Variants in CSRNP3 observed in about 807,000 individuals in gnomAD.
CSRNP3 encodes the protein cysteine/serine-rich nuclear protein 3.
CSRNP3 carries 12 observed loss-of-function variants against 48.0 expected under a neutral mutation model. The ratio of observed to expected loss-of-function variants is 0.25; its 90% confidence interval spans 0.16 to 0.41. The LOEUF (loss-of-function observed/expected upper bound fraction) is 0.41, where lower values mean the gene tolerates loss of function less well. Ranked by LOEUF, CSRNP3 falls within the 10% of genes least tolerant of loss-of-function variation. The pLI, the probability that CSRNP3 is intolerant of heterozygous loss-of-function variation, is 1.00. For synonymous variants in CSRNP3, 263 were observed against 269.7 expected, an observed-to-expected ratio of 0.98 and a Z score of 0.24; for missense variants, 580 against 724.4, an observed-to-expected ratio of 0.80 and a Z score of 2.29.
At chr2:165,537,000 A>G (rs551311684) in intron 3 of CSRNP3, among the ~76,000 whole-genome samples, 1 of 151,946 alleles carries the variant, frequency 6.6e-6, no homozygotes, top group East Asian at 1.9e-4. Context: ...TGAAACCAGG[A>G]TACATAAAAC....
chr2:165,623,589 C>A (rs947266576), intron 4 of CSRNP3, among the ~76,000 whole-genome samples: 1 of 152,148 alleles, frequency 6.6e-6, no homozygotes, highest in Non-Finnish European at 1.5e-5. Flanking sequence ...GGAACTTGAG[C>A]ATTCATGGAT....
intron 3 of CSRNP3, among the ~76,000 whole-genome samples, chr2:165,578,331 CAT>C (rs1331820100): frequency 3.3e-5 from 5 of 152,064 alleles, no homozygotes; most frequent in African/African-American, 7.2e-5. Flanking sequence ...CATTTAGCCA[CAT>C]GTGTTCATGC....
chr2:165,526,965 A>G (rs537730275), intron 3 of CSRNP3, among the ~76,000 whole-genome samples: 2 of 152,320 alleles, frequency 1.3e-5, no homozygotes, highest in South Asian at 4.1e-4. Context: ...AGCAATGTGT[A>G]CAAAGAGGTT....
intron 4 of CSRNP3, among the ~76,000 whole-genome samples, chr2:165,618,323 G>T (rs1404496346): frequency 6.6e-6 from 1 of 152,110 alleles, no homozygotes; most frequent in East Asian, 1.9e-4. Context: ...TACTTCAGAG[G>T]GTCCCTGTCA....
chr2:165,611,621 C>G (rs1686139846), intron 4 of CSRNP3, among the ~76,000 whole-genome samples: 1 of 152,044 alleles, frequency 6.6e-6, no homozygotes, highest in Admixed American at 6.6e-5. Flanking sequence ...TACTCTTACA[C>G]TTTACATAAA....
At chr2:165,569,892 G>GA (rs975038403) in intron 3 of CSRNP3, among the ~76,000 whole-genome samples, 18 of 147,844 alleles carry the variant, frequency 1.2e-4, no homozygotes, top group East Asian at 3.9e-4. Context: ...GCATGTATTA[G>GA]AAAAAAAAAA....
chr2:165,653,443 T>C (rs1288567222), intron 4 of CSRNP3, among the ~76,000 whole-genome samples: 1 of 152,192 alleles, frequency 6.6e-6, no homozygotes, highest in Non-Finnish European at 1.5e-5. Flanking sequence ...GGGGCCCAGC[T>C]GAAGGCCTTC....
intron 4 of CSRNP3, among the ~76,000 whole-genome samples, chr2:165,631,728 A>G (rs920183630): frequency 1.3e-5 from 2 of 152,218 alleles, no homozygotes; most frequent in African/African-American, 4.8e-5. Context: ...ATCAGAAGTT[A>G]GCAAACTACA....
intron 3 of CSRNP3, among the ~76,000 whole-genome samples, chr2:165,592,394 A>G (rs754088352): frequency 1.3e-5 from 2 of 152,152 alleles, no homozygotes; most frequent in South Asian, 2.1e-4. Flanking sequence ...CTTTTGGGTT[A>G]ATGCTGGAAT....
intron 4 of CSRNP3, among the ~76,000 whole-genome samples, chr2:165,645,145 T>C (rs1686789769): frequency 6.6e-6 from 1 of 151,988 alleles, no homozygotes; most frequent in Non-Finnish European, 1.5e-5. Flanking sequence ...AACAGCCTGG[T>C]CAACATGGTG....
In CSRNP3 at chr2:165,679,549, A is replaced by G. The variant is rs1573966059; in HGVS notation, c.1554A>G (p.Leu518=). The G allele has an allele frequency of 1.2e-6, 2 of 1,613,818 alleles. No individual in the cohort carries two copies. Among genetic ancestry groups the G allele is most frequent in the East Asian group, 4.5e-5 (2 of 44,802 alleles). ...ATAGCGGTGTGCCCTGCAATAGTTT[A>G]TATCCTGAACACAGGTCCAATCACC... ...ENDSGVPCNS[L]YPEHRSNHPQ... Residue 518 remains leucine (L), a synonymous_variant, in exon 7 of 7, where the codon TTA becomes TTG. Transcript: ENST00000651982.
intron 3 of CSRNP3, among the ~76,000 whole-genome samples, chr2:165,527,922 CAGAGAG>C (rs753575588): frequency 7.1e-6 from 1 of 140,542 alleles, no homozygotes; most frequent in South Asian, 2.3e-4. Context: ...GACAGGGAGA[CAGAGAG>C]AGAGAGAGAA....
intron 4 of CSRNP3, among the ~76,000 whole-genome samples, chr2:165,634,653 A>T (rs1206782377): frequency 6.6e-6 from 1 of 152,222 alleles, no homozygotes; most frequent in Admixed American, 6.5e-5. Context: ...AGGGATATGA[A>T]TAGCAACCTA....
intron 2 of CSRNP3, among the ~76,000 whole-genome samples, chr2:165,495,435 C>T (rs1684272334): frequency 6.6e-6 from 1 of 152,028 alleles, no homozygotes; most frequent in Non-Finnish European, 1.5e-5. Context: ...CAAGTTCATG[C>T]TCTTGAGTAA....
chr2:165,476,430 C>T lies in CSRNP3; in HGVS notation c.-283+6690C>T, dbSNP rs558766880. Among the ~76,000 whole-genome samples the T allele has an allele frequency of 3.9e-5, 6 of 152,114 alleles. No individual in the cohort carries two copies. In the South Asian group the frequency reaches 6.2e-4, roughly 16 times the overall value. On this transcript the variant is annotated intron_variant, in intron 1 of 6. Transcript: ENST00000651982. The stretch of plus-strand genomic sequence containing the variant: ...TAGGTAAAAATAACCAAAAGAATAA[C>T]GAATGAAATATCCTGATGAATTTAA...
intron 4 of CSRNP3, among the ~76,000 whole-genome samples, chr2:165,608,934 C>CAAAAAAAAAA (rs33952227): frequency 4.9e-4 from 37 of 75,534 alleles, no homozygotes; most frequent in East Asian, 8.3e-4. Context: ...ACTAAAAATA[C>CAAAAAAAAAA]AAAAAAAAAA....
intron 2 of CSRNP3, among the ~76,000 whole-genome samples, chr2:165,510,977 G>T (rs1479462977): frequency 2.6e-5 from 4 of 152,280 alleles, no homozygotes; most frequent in Non-Finnish European, 4.4e-5. Context: ...AAGAAATCAG[G>T]CAAAGGAGTT....
At chr2:165,648,167 T>G (rs560326464) in intron 4 of CSRNP3, among the ~76,000 whole-genome samples, 2 of 152,276 alleles carry the variant, frequency 1.3e-5, no homozygotes, top group African/African-American at 4.8e-5. Context: ...GAAGACTGAT[T>G]GTGAAATGTA....
intron 3 of CSRNP3, among the ~76,000 whole-genome samples, chr2:165,532,545 T>C (rs1393108586): frequency 6.6e-6 from 1 of 152,104 alleles, no homozygotes; most frequent in African/African-American, 2.4e-5. Flanking sequence ...AATTAGGTAT[T>C]GATGGGACGT....
Sources: allele counts gnomAD v4.1 joint callset (sites outside exome capture counted in the v4.1 genomes callset), GRCh38; gene constraint gnomAD v4.1.1; transcripts MANE v1.5; gene names NCBI Gene and HGNC (gene_info 2026-07-23, HGNC 2026-07-21).